MYO7B: variants seen among roughly 807,000 people sequenced by gnomAD.
MYO7B encodes unconventional myosin-VIIb.
A neutral mutation model predicts 259.7 loss-of-function variants in MYO7B; 212 were observed. That is an observed-to-expected ratio of 0.82 (90% CI 0.73 to 0.91). The LOEUF is 0.91. Ranked by LOEUF, MYO7B falls within the 40% of genes least tolerant of loss-of-function variation. MYO7B has a pLI of 0.00. For missense variants in MYO7B, 2,732 were observed against 2,813.5 expected (o/e 0.97, Z 0.66); for synonymous variants, 1,197 against 1,166.4 (o/e 1.03, Z -0.54).
chr2:127,608,020 G>A (rs1367161610), intron 21 of MYO7B, among the ~76,000 whole-genome samples: 1 of 152,182 alleles, frequency 6.6e-6, no homozygotes, highest in African/African-American at 2.4e-5. Flanking sequence ...GAGTGTCTGG[G>A]GGGCTGGGAG....
chr2:127,637,181 A>C, intron 47 of MYO7B, 135 bp from the exon 48 acceptor site: 1 of 900,306 alleles, frequency 1.1e-6, no homozygotes, highest in East Asian at 2.6e-5. Flanking sequence ...TGACGGCCCC[A>C]ATGGCAGGAG....
rs75164739 is a variant in MYO7B, at chr2:127,567,345, G to A, written c.470+518G>A. ...AAAAAAAAACACAGGGCAGGCCTCA[G>A]GTGAGGACAGAGGAGCAGCAGCTCC... On this transcript the variant is annotated intron_variant, in intron 5 of 47. Coordinates refer to ENST00000409816, the MANE Select transcript of MYO7B (RefSeq NM_001393586.1). 2.4e-3 allele frequency among the ~76,000 whole-genome samples: 372 copies of A among 152,230 alleles called. 1 individual carries two copies. Among genetic ancestry groups the A allele is most frequent in the African/African-American group, 8.3e-3 (343 of 41,532 alleles).
At chr2:127,634,778 C>T (rs1210852747) in intron 42 of MYO7B, 95 bp downstream of exon 42, 49 of 1,190,238 alleles carry the variant, frequency 4.1e-5, no homozygotes, top group Non-Finnish European at 5.8e-5. Context: ...TTCATCCATC[C>T]ATTCGTTCCC....
Position 127,635,860 on chromosome 2 carries a change from G to T in MYO7B, c.5959G>T (p.Val1987Leu). The change falls in exon 44 of 48, where the codon GTG becomes TTG. Residue 1987 changes from valine (V) to leucine (L), a missense_variant. By Grantham distance (32) the Val-to-Leu change is conservative. Coordinates refer to ENST00000409816, the MANE Select transcript of MYO7B (RefSeq NM_001393586.1). ...TGTCCCCAAGATCCTGAGGGAACTGGTGCCTGAGAACCTCACACGCCTGAT... is the reference window on the plus strand; with the variant it reads ...TGTCCCCAAGATCCTGAGGGAACTGTTGCCTGAGAACCTCACACGCCTGAT... Reference protein sequence around the residue: ...ASVPKILRELVPENLTRLMSS... With the variant: ...ASVPKILRELLPENLTRLMSS... The T allele has an allele frequency of 6.3e-7, 1 of 1,583,568 alleles. No homozygotes were observed.
At position 127,627,070 on chromosome 2, in the gene MYO7B, C is replaced by T; in HGVS notation, c.4311C>T (p.Leu1437=). 7 of 1,611,482 alleles carry T rather than the reference C, an allele frequency of 4.3e-6. No individual in the cohort carries two copies. Among genetic ancestry groups the T allele is most frequent in the Non-Finnish European group, 5.1e-6 (6 of 1,179,244 alleles). Residue 1437 remains leucine (L), a synonymous_variant, in exon 32 of 48, where the codon CTC becomes CTT. Coordinates refer to ENST00000409816, the MANE Select transcript of MYO7B (RefSeq NM_001393586.1). This position sits in a 1 kb window ranked among gnomAD's most constrained non-coding sequence, Gnocchi z 5.6. ...AGTGGCCGCTGCTCTTCTCCCGGCT[C>T]TTCGAAGTCATCACACTCTCAGGTA... ...RLQWPLLFSR[L]FEVITLSGPR...
rs375997120 is a variant in MYO7B at position 127,623,251 on chromosome 2, G to A, written c.3695G>A (p.Gly1232Glu). 5.8e-5 allele frequency: 93 copies of A among 1,613,540 alleles called. No homozygotes were observed. The African/African-American group carries it at 1.1e-3, about 19-fold the overall frequency. The change falls in exon 29 of 48, where the codon GGA (glycine) becomes GAA (glutamate). Residue 1232 changes from glycine (G) to glutamate (E), a missense_variant. Transcript: ENST00000409816. ...CCCATCCAAGTCATCTTGGCCACTGGAGAGAGCCTAACCGTCCCCGTGGAC... is the reference window on the plus strand; with the variant it reads ...CCCATCCAAGTCATCTTGGCCACTGAAGAGAGCCTAACCGTCCCCGTGGAC... ...HIPIQVILAT[G>E]ESLTVPVDSA...
At chr2:127,624,418 G>C (rs1395800987) in intron 30 of MYO7B, 98 bp downstream of exon 30, 8 of 1,108,526 alleles carry the variant, frequency 7.2e-6, no homozygotes, top group South Asian at 1.6e-5. Context: ...GGTAGAAGGT[G>C]GGGGGGCAGG....
chr2:127,578,237 C>T lies in MYO7B; in HGVS notation c.954C>T (p.Val318=), dbSNP rs746536758. 6.2e-7 allele frequency: 1 copy of T among 1,613,774 alleles called. No individual in the cohort carries two copies. The highest frequency in any genetic ancestry group is 8.5e-7 in the Non-Finnish European group (1 of 1,179,876). ...TCTCCGACTCCGAGAGCTGGGACGT[C>T]ATCAAGCTGCTGGCTGCCATTCTCC... ...LQFSDSESWD[V]IKLLAAILHL... The change falls in exon 9 of 48, where the codon GTC becomes GTT. Residue 318 remains valine, a synonymous_variant. Coordinates refer to ENST00000409816, the MANE Select transcript of MYO7B (RefSeq NM_001393586.1).
At chr2:127,634,873 G>A (rs1681714583) in intron 42 of MYO7B, 190 bp downstream of exon 42, 2 of 658,286 alleles carry the variant, frequency 3.0e-6, no homozygotes, top group Non-Finnish European at 5.3e-6. Flanking sequence ...GCTGCACCTT[G>A]GAGTGATGAA....
chr2:127,620,412 G>A lies in MYO7B; in HGVS notation c.3471G>A (p.Trp1157Ter), dbSNP rs748879162. Reference sequence around the variant, plus strand: ...AAACAAGCAGCCTGGCCCGGGGCTGGATCCTGCTCAGCCTCTGCCTCGGCT... The same window carrying A: ...AAACAAGCAGCCTGGCCCGGGGCTGAATCCTGCTCAGCCTCTGCCTCGGCT... ...NFKTSSLARG[W>*]ILLSLCLGCF... The change falls in exon 27 of 48, where the codon TGG (tryptophan) becomes TGA (stop). Residue 1157 changes from tryptophan to a stop codon, truncating the protein, a stop_gained. Coordinates refer to ENST00000409816, the MANE Select transcript of MYO7B (RefSeq NM_001393586.1). LOFTEE classifies it high-confidence loss of function. The A allele has an allele frequency of 6.3e-7, 1 of 1,580,696 alleles. No homozygotes were observed. Among genetic ancestry groups the A allele is most frequent in the Non-Finnish European group, 8.6e-7 (1 of 1,158,426 alleles).
chr2:127,588,561 C>A lies in MYO7B; in HGVS notation c.1854+6C>A, dbSNP rs1679394480. On this transcript the variant is annotated splice_donor_region_variant and intron_variant, in intron 15 of 47. Transcript: ENST00000409816. ...CAGGAAACCATCTCTTCAAGGTGGGCTCCCAGGCACCCTCCTGGGTCTGTC... is the reference window on the plus strand; with the variant it reads ...CAGGAAACCATCTCTTCAAGGTGGGATCCCAGGCACCCTCCTGGGTCTGTC... The A allele has an allele frequency of 1.2e-6, 2 of 1,612,802 alleles. No homozygotes were observed. The highest frequency in any genetic ancestry group is 1.7e-6 in the Non-Finnish European group (2 of 1,179,748).
chr2:127,561,354 G>T (rs140085079), intron 2 of MYO7B, among the ~76,000 whole-genome samples: 2,388 of 151,860 alleles, frequency 0.016, 25 homozygotes, highest in Non-Finnish European at 0.022. Flanking sequence ...GGCCTCCCAG[G>T]TTCAAGCAAT....
At chr2:127,563,276 C>A (rs1678181764) in intron 2 of MYO7B, among the ~76,000 whole-genome samples, 1 of 152,174 alleles carries the variant, frequency 6.6e-6, no homozygotes, top group Non-Finnish European at 1.5e-5. Flanking sequence ...GTTTCAGTAC[C>A]TCCGAACACA....
intron 1 of MYO7B, among the ~76,000 whole-genome samples, chr2:127,545,750 G>A (rs1158611760): frequency 6.6e-6 from 1 of 152,228 alleles, no homozygotes; most frequent in African/African-American, 2.4e-5. Context: ...ATTGTGCAAT[G>A]GAAGGGGCAT....
chr2:127,636,904 G>T lies in MYO7B; in HGVS notation c.6318G>T (p.Glu2106Asp). ...GCCGTGGCAGCCGCCTGCTGTGCGA[G>T]ACCTCCCTGGTGAGCTCAGGTTCTT... ...SLGRGSRLLC[E>D]TSLGYKMDDL... The change falls in exon 47 of 48, where the codon GAG becomes GAT. Residue 2106 changes from glutamate to aspartate, a missense_variant. Around this residue, in one of 3 missense-constraint regions of MYO7B, gnomAD observed 821 missense variants for 769.3 expected, o/e 1.07. Transcript: ENST00000409816. This position sits in a 1 kb window ranked among gnomAD's most constrained non-coding sequence, Gnocchi z 4.5. 6.2e-7 allele frequency: 1 copy of T among 1,612,442 alleles called. No homozygotes were observed. The highest frequency in any genetic ancestry group is 1.1e-5 in the South Asian group (1 of 91,088).
chr2:127,633,364 G>A lies in MYO7B; in HGVS notation c.5511+1G>A, dbSNP rs761740252. ...CTACTTCCCCAATGACACCAGTGAGGTGAGGCCCTGCTCTGGTCTGCACGG... is the reference window on the plus strand; with the variant it reads ...CTACTTCCCCAATGACACCAGTGAGATGAGGCCCTGCTCTGGTCTGCACGG... On this transcript the variant is annotated splice_donor_variant, in intron 40 of 47. Transcript: ENST00000409816. LOFTEE classifies it high-confidence loss of function. 6.2e-7 allele frequency: 1 copy of A among 1,612,542 alleles called. No individual in the cohort carries two copies. The highest frequency in any genetic ancestry group is 8.5e-7 in the Non-Finnish European group (1 of 1,179,558).
At position 127,620,410 on chromosome 2, in the gene MYO7B, T is replaced by G. The variant is rs1431831125; in HGVS notation, c.3469T>G (p.Trp1157Gly). 1.3e-6 allele frequency: 2 copies of G among 1,585,952 alleles called. No individual in the cohort carries two copies. Among genetic ancestry groups the G allele is most frequent in the East Asian group, 2.4e-5 (1 of 42,420 alleles). ...NFKTSSLARG[W>G]ILLSLCLGCF... ...CAAAACAAGCAGCCTGGCCCGGGGC[T>G]GGATCCTGCTCAGCCTCTGCCTCGG... is the stretch of plus-strand genomic sequence containing the variant. The change falls in exon 27 of 48, where the codon TGG becomes GGG. Residue 1157 changes from tryptophan to glycine, a missense_variant. Physicochemically the swap from Trp to Gly is radical, Grantham distance 184. Around this residue, in one of 3 missense-constraint regions of MYO7B, gnomAD observed 1,906 missense variants for 2,026.4 expected, o/e 0.94. Transcript: ENST00000409816.
At position 127,627,092 on chromosome 2, in the gene MYO7B, G is replaced by A; in HGVS notation, c.4333G>A (p.Gly1445Ser). 1.9e-6 allele frequency: 3 copies of A among 1,610,120 alleles called. No homozygotes were observed. The highest frequency in any genetic ancestry group is 1.7e-6 in the Non-Finnish European group (2 of 1,178,574). The stretch of plus-strand genomic sequence containing the variant: ...GCTCTTCGAAGTCATCACACTCTCA[G>A]GTAATGGCATCTGACAGGGGGCAGG... ...SRLFEVITLSGPRLPKTQLIL... is the reference protein window; with the variant it reads ...SRLFEVITLSSPRLPKTQLIL... Residue 1445 changes from glycine (G) to serine (S), a missense_variant and splice_region_variant, in exon 32 of 48, where the codon GGC (glycine) becomes AGC (serine). Around this residue, in one of 3 missense-constraint regions of MYO7B, gnomAD observed 1,906 missense variants for 2,026.4 expected, o/e 0.94. Transcript: ENST00000409816. This position sits in a 1 kb window ranked among gnomAD's most constrained non-coding sequence, Gnocchi z 5.6.
At position 127,611,682 on chromosome 2, in the gene MYO7B, G is replaced by C. The variant is rs554253468; in HGVS notation, c.3193-568G>C. ...CCCACACTGAGCTCCAATTTTGGCA[G>C]CAAATTCTTCTCATGACGCCATCAT... is the stretch of plus-strand genomic sequence containing the variant. On this transcript the variant is annotated intron_variant, in intron 24 of 47. Coordinates refer to ENST00000409816, the MANE Select transcript of MYO7B (RefSeq NM_001393586.1). The surrounding 1 kb of genome is among the most constrained non-coding windows in gnomAD (Gnocchi z 5.4). Among the ~76,000 whole-genome samples the C allele has an allele frequency of 3.3e-5, 5 of 152,280 alleles. No individual in the cohort carries two copies. The South Asian group carries it at 1.0e-3, about 32-fold the overall frequency.
Sources: allele counts gnomAD v4.1 joint callset (sites outside exome capture counted in the v4.1 genomes callset), GRCh38; gene constraint gnomAD v4.1.1; regional missense constraint gnomAD v4.1.1; non-coding constraint Gnocchi (gnomAD v3.1); transcripts MANE v1.5; gene names NCBI Gene and HGNC (gene_info 2026-07-23, HGNC 2026-07-21).